Variants in CDH1 observed in about 807,000 individuals in gnomAD.
CDH1 encodes cadherin 1.
In CDH1, 35 loss-of-function variants were observed where a neutral mutation model predicts 84.5. The observed-to-expected ratio is 0.41, with a 90% confidence interval of 0.32 to 0.55. The LOEUF (loss-of-function observed/expected upper bound fraction) is 0.55, where lower values mean the gene tolerates loss of function less well. CDH1 is among the 20% of genes least tolerant of loss of function. CDH1 has a pLI of 0.19. For missense variants in CDH1, 994 were observed against 1,126.6 expected (o/e 0.88, Z 1.68); for synonymous variants, 417 against 439.0 (o/e 0.95, Z 0.63).
chr16:68,814,052 T>C (rs1960919629), intron 9 of CDH1, among the ~76,000 whole-genome samples: 1 of 148,858 alleles, frequency 6.7e-6, no homozygotes, highest in Non-Finnish European at 1.5e-5. Flanking sequence ...CTGACCAACA[T>C]GGTGAAACCC....
At chr16:68,813,551 C>A (rs1960904099) in intron 9 of CDH1, 56 bp downstream of exon 9, 2 of 1,523,834 alleles carry the variant, frequency 1.3e-6, no homozygotes, top group African/African-American at 2.7e-5. Context: ...CTGTTCATAC[C>A]CTTGTCCCCT....
chr16:68,779,692 A>T (rs1408747760), intron 2 of CDH1, among the ~76,000 whole-genome samples: 1 of 152,224 alleles, frequency 6.6e-6, no homozygotes, highest in Non-Finnish European at 1.5e-5. Context: ...CCTCGTCTCT[A>T]CTAAAAATAC....
intron 2 of CDH1, among the ~76,000 whole-genome samples, chr16:68,781,616 G>C (rs1459751151): frequency 1.3e-5 from 2 of 152,076 alleles, no homozygotes; most frequent in Non-Finnish European, 2.9e-5. Flanking sequence ...GGGGATAACA[G>C]GCATGCAACA....
At chr16:68,829,328 T>C (rs1036410417) in intron 14 of CDH1, among the ~76,000 whole-genome samples, 7 of 152,194 alleles carry the variant, frequency 4.6e-5, no homozygotes, top group African/African-American at 1.7e-4. Flanking sequence ...TCGATGGATG[T>C]ATACTTTTCT....
chr16:68,811,971 T>C, intron 7 of CDH1, 112 bp downstream of exon 7: 1 of 1,456,220 alleles, frequency 6.9e-7, no homozygotes, highest in Non-Finnish European at 9.6e-7. Context: ...AGTGATGGTC[T>C]AAGCTTTGCA....
At chr16:68,832,002 A>T (rs1285787797) in intron 15 of CDH1, among the ~76,000 whole-genome samples, 2 of 152,160 alleles carry the variant, frequency 1.3e-5, no homozygotes, top group African/African-American at 4.8e-5. Context: ...GTGGAGCTGG[A>T]GGCCATTATC....
intron 1 of CDH1, among the ~76,000 whole-genome samples, 157 bp downstream of exon 1, chr16:68,737,620 G>C (rs1962435337): frequency 6.6e-6 from 1 of 152,204 alleles, no homozygotes; most frequent in African/African-American, 2.4e-5. Context: ...GCGCGCTCCG[G>C]ACCCCCCAGT....
At chr16:68,763,982 G>C (rs1255423904) in intron 2 of CDH1, among the ~76,000 whole-genome samples, 1 of 152,172 alleles carries the variant, frequency 6.6e-6, no homozygotes, top group East Asian at 1.9e-4. Context: ...AGCTGGTTGG[G>C]GGGATGGCGG....
In CDH1 at chr16:68,801,883, C is replaced by G. The variant is rs746703615; in HGVS notation, c.377C>G (p.Pro126Arg). 2 of 1,613,596 alleles carry G rather than the reference C, an allele frequency of 1.2e-6. No homozygotes were observed. The highest frequency in any genetic ancestry group is 1.7e-5 in the Admixed American group (1 of 60,022). ...LNTVGHHHRP[P>R]PHQASVSGIQ... ...ACAGTGGGGCACCACCACCGCCCCC[C>G]GCCCCATCAGGTATGTTGGCATTTT... is the stretch of plus-strand genomic sequence containing the variant. The change falls in exon 3 of 16, where the codon CCG (proline) becomes CGG (arginine). Residue 126 changes from proline (P) to arginine (R), a missense_variant. This residue lies in a region of CDH1 where 203 missense variants were observed against 194.0 expected (regional missense o/e 1.05). Coordinates refer to ENST00000261769, the MANE Select transcript of CDH1 (RefSeq NM_004360.5).
At chr16:68,757,988 A>AT (rs1963060696) in intron 2 of CDH1, among the ~76,000 whole-genome samples, 1 of 78,072 alleles carries the variant, frequency 1.3e-5, no homozygotes, top group Non-Finnish European at 2.7e-5. Flanking sequence ...TTTTTTTTGT[A>AT]TTTTTTGTAG....
At chr16:68,763,894 C>G (rs565113088) in intron 2 of CDH1, among the ~76,000 whole-genome samples, 49 of 152,270 alleles carry the variant, frequency 3.2e-4, no homozygotes, top group African/African-American at 1.2e-3. Flanking sequence ...ATAAGCCCAT[C>G]CTGTGCTGGA....
intron 2 of CDH1, among the ~76,000 whole-genome samples, chr16:68,748,193 A>C (rs577496125): frequency 5.4e-4 from 79 of 146,882 alleles, no homozygotes; most frequent in Non-Finnish European, 7.9e-4. Flanking sequence ...GCTCACCGCA[A>C]CCTCCGCCTC....
At chr16:68,754,834 G>A (rs1311210233) in intron 2 of CDH1, among the ~76,000 whole-genome samples, 1 of 152,144 alleles carries the variant, frequency 6.6e-6, no homozygotes, top group Non-Finnish European at 1.5e-5. Flanking sequence ...TCTTCTAATT[G>A]GAGGGGACAG....
intron 2 of CDH1, among the ~76,000 whole-genome samples, chr16:68,762,088 C>G (rs552925219): frequency 3.9e-5 from 6 of 152,210 alleles, no homozygotes; most frequent in Non-Finnish European, 7.3e-5. Context: ...TGGGCCTCCC[C>G]TGGGCTTCTG....
chr16:68,821,426 T>C (rs1487679895), intron 11 of CDH1, among the ~76,000 whole-genome samples: 1 of 148,168 alleles, frequency 6.7e-6, no homozygotes, highest in Non-Finnish European at 1.5e-5. Context: ...ACTGTGTTCA[T>C]GCCACTGCAT....
rs2152118961 is a variant in CDH1 at position 68,759,648 on chromosome 16, C to T, written c.163+21237C>T. On this transcript the variant is annotated intron_variant, in intron 2 of 15. Coordinates refer to ENST00000261769, the MANE Select transcript of CDH1 (RefSeq NM_004360.5). ...GGGATTACAGGCGCGTACCACCATGCCCAGATAATTTTTGTATTTTTTAAT... is the reference window on the plus strand; with the variant it reads ...GGGATTACAGGCGCGTACCACCATGTCCAGATAATTTTTGTATTTTTTAAT... Among the ~76,000 whole-genome samples the T allele has an allele frequency of 2.0e-5, 3 of 152,170 alleles. 1 individual carries two copies. The highest frequency in any genetic ancestry group is 2.0e-4 in the Admixed American group (3 of 15,272).
At chr16:68,745,042 CG>C (rs1962685248) in intron 2 of CDH1, among the ~76,000 whole-genome samples, 2 of 151,998 alleles carry the variant, frequency 1.3e-5, no homozygotes, top group African/African-American at 4.8e-5. Context: ...CAGGGTGGAC[CG>C]GAACGGGTTT....
rs751887336 is a variant in CDH1, at chr16:68,801,911, T to C, written c.387+18T>C. Reference sequence around the variant, plus strand: ...CCCATCAGGTATGTTGGCATTTTTCTGAGAAGTTCGCTGTTGTTTTAGTGC... The same window carrying C: ...CCCATCAGGTATGTTGGCATTTTTCCGAGAAGTTCGCTGTTGTTTTAGTGC... On this transcript the variant is annotated intron_variant, in intron 3 of 15. Transcript: ENST00000261769. 14 of 1,600,162 alleles carry C rather than the reference T, an allele frequency of 8.7e-6. No individual in the cohort carries two copies. The highest frequency in any genetic ancestry group is 3.4e-4 in the Middle Eastern group (2 of 5,812).
At chr16:68,825,164 CA>C (rs1261669903) in intron 13 of CDH1, among the ~76,000 whole-genome samples, 1 of 152,006 alleles carries the variant, frequency 6.6e-6, no homozygotes, top group African/African-American at 2.4e-5. Flanking sequence ...TTAGTGACTG[CA>C]AGGGGTGGTC....
Sources: gnomAD v4.1 joint callset for allele counts (sites outside exome capture counted in the v4.1 genomes callset) on GRCh38, gnomAD v4.1.1 for gene constraint, gnomAD v4.1.1 regional missense constraint, MANE v1.5 for transcripts, NCBI Gene and HGNC (gene_info 2026-07-23, HGNC 2026-07-21) for gene names.